The following MAP6 variants were observed in gnomAD, a reference collection of about 807,000 sequenced individuals.
The protein encoded by MAP6 is microtubule-associated protein 6.
MAP6 carries 26 observed loss-of-function variants against 42.4 expected under a neutral mutation model. The observed-to-expected ratio is 0.61, with a 90% CI of 0.45 to 0.85. MAP6 has a LOEUF of 0.85. Ranked by LOEUF, MAP6 falls within the 40% of genes least tolerant of loss-of-function variation. The pLI is 0.00. For synonymous variants in MAP6, 418 were observed against 443.8 expected, an observed-to-expected ratio of 0.94 and a Z score of 0.73; for missense variants, 966 against 1,099.0, an observed-to-expected ratio of 0.88 and a Z score of 1.71.
rs193289524 is a variant in MAP6, at chr11:75,649,461, G to C, written c.905+18004C>G. Among the ~76,000 whole-genome samples, 481 of 151,886 alleles carry C rather than the reference G, an allele frequency of 3.2e-3. 2 individuals carry two copies. Among genetic ancestry groups the C allele is most frequent in the African/African-American group, 0.011 (466 of 41,416 alleles). ...GAAGCAGAATGGGTCTGGGCCTAGT[G>C]GGGGGGAAAAATAACAACTTTACCT... On this transcript the variant is annotated intron_variant, in intron 1 of 3. Coordinates refer to ENST00000304771, the MANE Select transcript of MAP6 (RefSeq NM_033063.2).
At chr11:75,606,246 C>T (rs1942772399) in intron 2 of MAP6, among the ~76,000 whole-genome samples, 1 of 152,164 alleles carries the variant, frequency 6.6e-6, no homozygotes, top group Admixed American at 6.5e-5. Flanking sequence ...TCCTGCCAGC[C>T]TTCCACCGAC....
intron 2 of MAP6, 91 bp downstream of exon 2, chr11:75,608,018 C>A: frequency 7.7e-7 from 1 of 1,294,482 alleles, no homozygotes; most frequent in Non-Finnish European, 1.1e-6. Flanking sequence ...GGAGGCTGGG[C>A]CAGATTTGAC....
intron 1 of MAP6, among the ~76,000 whole-genome samples, chr11:75,634,165 A>G (rs1464570782): frequency 1.3e-5 from 2 of 152,214 alleles, no homozygotes; most frequent in African/African-American, 2.4e-5. Context: ...TGAGTGAAGA[A>G]TCTTACACAG....
chr11:75,597,536 T>A (rs1052644287), intron 3 of MAP6, among the ~76,000 whole-genome samples: 1 of 152,244 alleles, frequency 6.6e-6, no homozygotes, highest in Non-Finnish European at 1.5e-5. Context: ...ATAATTCTGC[T>A]AATGACCCTT....
At chr11:75,653,601 T>A (rs977551499) in intron 1 of MAP6, among the ~76,000 whole-genome samples, 1 of 152,252 alleles carries the variant, frequency 6.6e-6, no homozygotes, top group Non-Finnish European at 1.5e-5. Flanking sequence ...TCTAATTGCT[T>A]TTATTACAGT....
At chr11:75,604,172 C>G (rs1942716681) in intron 3 of MAP6, 2 of 985,756 alleles carry the variant, frequency 2.0e-6, no homozygotes, top group African/African-American at 3.5e-5. Flanking sequence ...TGATCAACAA[C>G]TTCGTTTCTG....
intron 1 of MAP6, among the ~76,000 whole-genome samples, chr11:75,657,790 G>T (rs1049710939): frequency 1.6e-4 from 24 of 152,290 alleles, no homozygotes; most frequent in African/African-American, 4.8e-4. Context: ...CGCCAGTCAA[G>T]TCTTGGTCAC....
chr11:75,637,842 G>C (rs1943393956), intron 1 of MAP6, among the ~76,000 whole-genome samples: 1 of 144,574 alleles, frequency 6.9e-6, no homozygotes, highest in Non-Finnish European at 1.5e-5. Context: ...GTAGGAAGGA[G>C]GGAGGGAAGG....
chr11:75,623,046 T>C (rs1489845811), intron 1 of MAP6, among the ~76,000 whole-genome samples: 1 of 152,158 alleles, frequency 6.6e-6, no homozygotes, highest in African/African-American at 2.4e-5. Context: ...CATCATACCA[T>C]TGGCTCACAT....
chr11:75,668,234 G>C lies in MAP6; in HGVS notation c.136C>G (p.Pro46Ala), dbSNP rs1179863386. The change falls in exon 1 of 4, where the codon CCA (proline) becomes GCA (alanine). Residue 46 changes from proline (P) to alanine (A), a missense_variant. Transcript: ENST00000304771. Reference sequence around the variant, plus strand: ...TGCGCCTGCTGCTGCGGCGGCGGTGGCTGCGGCGGGGCGCCCGGGTGCTCG... The same window carrying C: ...TGCGCCTGCTGCTGCGGCGGCGGTGCCTGCGGCGGGGCGCCCGGGTGCTCG... ...ATEHPGAPPQ[P>A]PPPQQQAQPA... 1 of 1,412,182 alleles carries C rather than the reference G, an allele frequency of 7.1e-7. No homozygotes were observed. Among genetic ancestry groups the C allele is most frequent in the Non-Finnish European group, 9.2e-7 (1 of 1,085,704 alleles). The allele number at this position is 1,412,182 out of a possible 1,614,324, so 87.5% of individuals were successfully genotyped here.
In MAP6 at chr11:75,586,959, C is replaced by A. The variant is rs1942362233; in HGVS notation, c.*100G>T. 9 of 1,260,124 alleles carry A rather than the reference C, an allele frequency of 7.1e-6. No homozygotes were observed. In the East Asian group the frequency reaches 2.1e-4, roughly 29 times the overall value. 78.1% of individuals were successfully genotyped at this position (1,260,124 alleles called of 1,614,324 possible). On this transcript the variant is annotated 3_prime_UTR_variant, in exon 4 of 4. Transcript: ENST00000304771. ...TTTTTATTAGATTCCAGCAAGACTACTGTACATGTTTCATGCAGATTAAAT... is the reference window on the plus strand; with the variant it reads ...TTTTTATTAGATTCCAGCAAGACTAATGTACATGTTTCATGCAGATTAAAT...
chr11:75,597,421 C>T (rs915442691), intron 3 of MAP6, among the ~76,000 whole-genome samples: 1 of 152,172 alleles, frequency 6.6e-6, no homozygotes, highest in Non-Finnish European at 1.5e-5. Context: ...AAATAAATTT[C>T]CAATTGTATG....
chr11:75,623,396 T>TA lies in MAP6; in HGVS notation c.906-15075dup, dbSNP rs374772660. Among the ~76,000 whole-genome samples the TA allele has an allele frequency of 3.2e-3, 486 of 152,262 alleles. 2 individuals are homozygous for TA. The highest frequency in any genetic ancestry group is 0.011 in the African/African-American group (472 of 41,552). ...ATAATTTTACTAAATCTCATGAAAA[T>TA]ATACACTTAAAAGGGGTGCATTTTA... On this transcript the variant is annotated intron_variant, in intron 1 of 3. Coordinates refer to ENST00000304771, the MANE Select transcript of MAP6 (RefSeq NM_033063.2).
At chr11:75,625,868 G>T (rs1943185077) in intron 1 of MAP6, among the ~76,000 whole-genome samples, 1 of 152,174 alleles carries the variant, frequency 6.6e-6, no homozygotes, top group South Asian at 2.1e-4. Context: ...CTCATCTGGA[G>T]GATCAAGGCC....
chr11:75,614,882 C>G (rs373943278), intron 1 of MAP6, among the ~76,000 whole-genome samples: 11 of 152,290 alleles, frequency 7.2e-5, no homozygotes, highest in African/African-American at 2.2e-4. Context: ...AAGCAGAGCA[C>G]AGAAGTTCAA....
At chr11:75,608,577 T>C (rs1942825536) in intron 1 of MAP6, among the ~76,000 whole-genome samples, 1 of 152,210 alleles carries the variant, frequency 6.6e-6, no homozygotes, top group African/African-American at 2.4e-5. Context: ...CCACACTGTG[T>C]GACCATGGGC....
intron 3 of MAP6, among the ~76,000 whole-genome samples, chr11:75,592,154 G>C (rs868452842): frequency 2.6e-5 from 4 of 152,278 alleles, no homozygotes; most frequent in Middle Eastern, 6.8e-3. Context: ...GTCCTTGAAG[G>C]CTCCGCTCAG....
At chr11:75,657,374 GT>G (rs1410273065) in intron 1 of MAP6, among the ~76,000 whole-genome samples, 1 of 152,210 alleles carries the variant, frequency 6.6e-6, no homozygotes, top group Non-Finnish European at 1.5e-5. Flanking sequence ...GTGTCCCAAA[GT>G]GCTGGGATTA....
At chr11:75,596,163 G>A (rs1341085981) in intron 3 of MAP6, 1 of 152,206 alleles carries the variant, frequency 6.6e-6, no homozygotes, top group African/African-American at 2.4e-5. Flanking sequence ...CACAACAATG[G>A]TGTCAGCCAG....
Sources: gnomAD v4.1 joint callset for allele counts (sites outside exome capture counted in the v4.1 genomes callset) on GRCh38, gnomAD v4.1.1 for gene constraint, MANE v1.5 for transcripts, NCBI Gene and HGNC (gene_info 2026-07-23, HGNC 2026-07-21) for gene names.